HIVEP3: variants seen among roughly 807,000 people sequenced by gnomAD.
HIVEP3 encodes the protein transcription factor HIVEP3.
A neutral mutation model predicts 152.8 loss-of-function variants in HIVEP3; 49 were observed. That is an observed-to-expected ratio of 0.32 (90% CI 0.26 to 0.41). The LOEUF is 0.41. HIVEP3 is among the 10% of genes least tolerant of loss of function. HIVEP3 has a pLI of 1.00. For synonymous variants in HIVEP3, 1,269 were observed against 1,289.0 expected (o/e 0.98, Z 0.33); for missense variants, 2,790 against 3,103.3 (o/e 0.90, Z 2.40).
rs559429047 is a variant in HIVEP3 at position 41,836,522 on chromosome 1, T to C, written c.-801+81891A>G. ...ATCTCCTTGATCTCCTTACGAGTAA[T>C]CCCATCAACAAGACAATCTGAGCAT... On this transcript the variant is annotated intron_variant, in intron 1 of 8. Coordinates refer to ENST00000372583, the MANE Select transcript of HIVEP3 (RefSeq NM_024503.5). 7.7e-4 allele frequency among the ~76,000 whole-genome samples: 117 copies of C among 152,292 alleles called. 1 individual carries two copies. The highest frequency in any genetic ancestry group is 1.2e-3 in the Non-Finnish European group (84 of 68,020).
chr1:41,735,613 C>A (rs1164426822), intron 1 of HIVEP3, among the ~76,000 whole-genome samples: 1 of 152,146 alleles, frequency 6.6e-6, no homozygotes, highest in African/African-American at 2.4e-5. Context: ...CTGCCTTTCT[C>A]CCCTATGGCT....
intron 2 of HIVEP3, among the ~76,000 whole-genome samples, chr1:41,651,346 A>G (rs1270592390): frequency 6.7e-6 from 1 of 149,804 alleles, no homozygotes; most frequent in Non-Finnish European, 1.5e-5. Context: ...GGGAGGTGGA[A>G]GTTGCAGTGA....
At chr1:41,724,870 G>A (rs1313938153) in intron 1 of HIVEP3, among the ~76,000 whole-genome samples, 1 of 152,242 alleles carries the variant, frequency 6.6e-6, no homozygotes. Context: ...AGTCCGGCTG[G>A]GGCTCAGCAG....
rs201272601 is a variant in HIVEP3, at chr1:41,582,252, C to T, written c.2546G>A (p.Arg849His). The change falls in exon 4 of 9, where the codon CGC (arginine) becomes CAC (histidine). Residue 849 changes from arginine (R) to histidine (H), a missense_variant. Physicochemically the swap from Arg to His is conservative, Grantham distance 29. Transcript: ENST00000372583. The surrounding 1 kb of genome is among the most constrained non-coding windows in gnomAD (Gnocchi z 4.7). ...SAHSLQPKLV[R>H]QPNIQVPEIL... is the part of the protein sequence containing the mutation. The stretch of plus-strand genomic sequence containing the variant: ...CTCAGGAACCTGAATGTTGGGCTGG[C>T]GGACCAACTTAGGCTGCAGGGAGTG... The T allele has an allele frequency of 8.1e-6, 13 of 1,613,446 alleles. No homozygotes were observed. The highest frequency in any genetic ancestry group is 3.3e-5 in the Admixed American group (2 of 59,944).
At chr1:41,887,381 C>A (rs1397534323) in intron 1 of HIVEP3, among the ~76,000 whole-genome samples, 1 of 152,032 alleles carries the variant, frequency 6.6e-6, no homozygotes, top group African/African-American at 2.4e-5. Context: ...ATTTTATATT[C>A]TTTTTCTTAA....
At position 41,511,426 on chromosome 1, in the gene HIVEP3, C is replaced by G. The variant is rs1481327689; in HGVS notation, c.6406-160G>C. Among the ~76,000 whole-genome samples the G allele has an allele frequency of 6.6e-6, 1 of 152,214 alleles. No homozygotes were observed. Among genetic ancestry groups the G allele is most frequent in the African/African-American group, 2.4e-5 (1 of 41,444 alleles). ...AACCAAGTTCCTGACTCCCTGCCCA[C>G]AGATGCTGAGCCAGCTGCCATCTCT... On this transcript the variant is annotated intron_variant, in intron 8 of 8. Transcript: ENST00000372583. The surrounding 1 kb of genome is among the most constrained non-coding windows in gnomAD (Gnocchi z 4.9).
At chr1:41,634,801 C>T (rs772940550) in intron 2 of HIVEP3, among the ~76,000 whole-genome samples, 15 of 152,024 alleles carry the variant, frequency 9.9e-5, no homozygotes, top group Non-Finnish European at 1.8e-4. Context: ...ACAAAAATCA[C>T]GAACTTTTAC....
intron 1 of HIVEP3, among the ~76,000 whole-genome samples, chr1:41,958,783 C>T (rs551771692): frequency 2.6e-5 from 4 of 152,246 alleles, no homozygotes; most frequent in Admixed American, 1.3e-4. Flanking sequence ...AAAAGTGGCC[C>T]GTGGTAAAGA....
At chr1:41,999,205 T>A (rs539895193) in intron 1 of HIVEP3, among the ~76,000 whole-genome samples, 24 of 152,192 alleles carry the variant, frequency 1.6e-4, no homozygotes, top group African/African-American at 5.8e-4. Flanking sequence ...TAATACTTTT[T>A]TCTAAGTATA....
chr1:41,925,971 TA>T (rs1404005134), intron 1 of HIVEP3, among the ~76,000 whole-genome samples: 1 of 152,184 alleles, frequency 6.6e-6, no homozygotes, highest in Non-Finnish European at 1.5e-5. Context: ...GCCATACTCT[TA>T]AAGGGAAGGA....
At position 41,575,692 on chromosome 1, in the gene HIVEP3, G is replaced by T; in HGVS notation, c.5062-3C>A. On this transcript the variant is annotated splice_region_variant and splice_polypyrimidine_tract_variant and intron_variant, in intron 4 of 8. Transcript: ENST00000372583. ...GAAACCAGTGAAGGGAGGTGAACCT[G>T]GCCCACCGCAGGAATGACAAAATCA... 1 of 1,613,530 alleles carries T rather than the reference G, an allele frequency of 6.2e-7. No homozygotes were observed. The highest frequency in any genetic ancestry group is 8.5e-7 in the Non-Finnish European group (1 of 1,179,798).
intron 1 of HIVEP3, among the ~76,000 whole-genome samples, chr1:41,856,413 T>A (rs1026124961): frequency 6.6e-6 from 1 of 152,148 alleles, no homozygotes; most frequent in Non-Finnish European, 1.5e-5. Flanking sequence ...AGTGTGAACA[T>A]CAGCACGGTC....
At chr1:41,886,131 G>A (rs1381263266) in intron 1 of HIVEP3, among the ~76,000 whole-genome samples, 1 of 152,152 alleles carries the variant, frequency 6.6e-6, no homozygotes. Flanking sequence ...CAACTCTGAT[G>A]TCTCCTCCTG....
At chr1:41,989,070 T>C in intron 1 of HIVEP3, among the ~76,000 whole-genome samples, 1 of 152,078 alleles carries the variant, frequency 6.6e-6, no homozygotes, top group South Asian at 2.1e-4. Flanking sequence ...TAGTGGGGGA[T>C]GGGTTGGAGA....
chr1:42,031,195 A>T (rs1240143311), intron 1 of HIVEP3, among the ~76,000 whole-genome samples: 1 of 152,170 alleles, frequency 6.6e-6, no homozygotes, highest in Non-Finnish European at 1.5e-5. Context: ...ACCTGCCTCT[A>T]CCAATTACCC....
intron 1 of HIVEP3, among the ~76,000 whole-genome samples, chr1:42,010,861 T>C (rs1296410913): frequency 6.6e-6 from 1 of 152,026 alleles, no homozygotes; most frequent in Admixed American, 6.6e-5. Context: ...GCTCTTTAAT[T>C]CATCCCACCC....
intron 1 of HIVEP3, among the ~76,000 whole-genome samples, chr1:41,806,091 C>T (rs1436307722): frequency 6.6e-6 from 1 of 152,144 alleles, no homozygotes; most frequent in African/African-American, 2.4e-5. Context: ...GTCCTCCTTG[C>T]CAGATGAGGC....
intron 2 of HIVEP3, among the ~76,000 whole-genome samples, chr1:41,642,889 A>G (rs67075306): frequency 0.09 from 13,663 of 152,112 alleles, 1,225 homozygotes; most frequent in East Asian, 0.46. Flanking sequence ...ACAGCTACTC[A>G]GACTCTGAGT....
intron 1 of HIVEP3, among the ~76,000 whole-genome samples, chr1:41,727,683 G>A (rs879379007): frequency 1.1e-4 from 17 of 152,194 alleles, no homozygotes; most frequent in Admixed American, 5.9e-4. Flanking sequence ...CAACTGCTCC[G>A]TCACTTTGGG....
Sources: gnomAD v4.1 joint callset for allele counts (sites outside exome capture counted in the v4.1 genomes callset) on GRCh38, gnomAD v4.1.1 for gene constraint, Gnocchi (gnomAD v3.1) non-coding constraint, MANE v1.5 for transcripts, NCBI Gene and HGNC (gene_info 2026-07-23, HGNC 2026-07-21) for gene names.